Variants in LYPLAL1 observed in about 807,000 individuals in gnomAD.
The protein encoded by LYPLAL1 is lysophospholipase like 1.
LYPLAL1 carries 23 observed loss-of-function variants against 19.7 expected under a neutral mutation model. The ratio of observed to expected loss-of-function variants is 1.17; its 90% CI spans 0.84 to 1.65. The LOEUF (loss-of-function observed/expected upper bound fraction) is 1.65, where lower values mean the gene tolerates loss of function less well. Among genes scored for constraint, LYPLAL1 ranks in the 40% most tolerant of loss-of-function variants. The pLI, the probability that LYPLAL1 is intolerant of heterozygous loss-of-function variation, is 0.00. For missense variants in LYPLAL1, 355 were observed against 279.4 expected, an observed-to-expected ratio of 1.27 and a Z score of -1.93; for synonymous variants, 119 against 96.3, an observed-to-expected ratio of 1.24 and a Z score of -1.38.
chr1:219,306,441 C>A, the LYPLAL1 span, among the ~76,000 whole-genome samples: 33 of 152,160 alleles, frequency 2.2e-4, no homozygotes, highest in Non-Finnish European at 3.8e-4. Context: ...ACTGCCATCC[C>A]TAATTTGGGT....
chr1:219,258,639 A>G, the LYPLAL1 span, among the ~76,000 whole-genome samples: 97 of 152,068 alleles, frequency 6.4e-4, no homozygotes, highest in Non-Finnish European at 8.1e-4. Flanking sequence ...CATTACTAAT[A>G]TATTTGGGTA....
chr1:219,279,504 G>A, the LYPLAL1 span, among the ~76,000 whole-genome samples: 1 of 152,140 alleles, frequency 6.6e-6, no homozygotes, highest in Non-Finnish European at 1.5e-5. Flanking sequence ...ACATTTGTGT[G>A]TTTTCTGAGT....
At chr1:219,375,736 A>AT in the LYPLAL1 span, among the ~76,000 whole-genome samples, 3,633 of 134,484 alleles carry the variant, frequency 0.027, 111 homozygotes, top group African/African-American at 0.06. Flanking sequence ...ATGCTTCCTG[A>AT]TTTTTTTTTT....
chr1:219,205,167 C>T (rs1235108329), intron 3 of LYPLAL1, among the ~76,000 whole-genome samples: 2 of 151,522 alleles, frequency 1.3e-5, no homozygotes, highest in Non-Finnish European at 2.9e-5. Context: ...ACCATCCTGG[C>T]TAACAAGGTG....
At chr1:219,354,214 T>A in the LYPLAL1 span, among the ~76,000 whole-genome samples, 1 of 152,184 alleles carries the variant, frequency 6.6e-6, no homozygotes, top group Non-Finnish European at 1.5e-5. Context: ...TTTTTTAAAT[T>A]GAGATGCAGT....
the LYPLAL1 span, among the ~76,000 whole-genome samples, chr1:219,427,205 T>G: frequency 1.3e-4 from 20 of 152,228 alleles, no homozygotes; most frequent in African/African-American, 4.8e-4. Flanking sequence ...ATGTTATGTA[T>G]CAAATTTTGC....
the LYPLAL1 span, among the ~76,000 whole-genome samples, chr1:219,338,994 T>C: frequency 6.6e-6 from 1 of 151,974 alleles, no homozygotes; most frequent in Non-Finnish European, 1.5e-5. Flanking sequence ...TATATATGTG[T>C]ATTTACTCAG....
the LYPLAL1 span, among the ~76,000 whole-genome samples, chr1:219,247,801 C>T: frequency 1.3e-5 from 2 of 152,004 alleles, no homozygotes; most frequent in African/African-American, 4.8e-5. Context: ...TCAAATGACC[C>T]ATGTTAGACT....
chr1:219,208,624 T>G (rs1416283793), intron 3 of LYPLAL1, among the ~76,000 whole-genome samples: 1 of 152,052 alleles, frequency 6.6e-6, no homozygotes, highest in Non-Finnish European at 1.5e-5. Flanking sequence ...GACACTTTGT[T>G]CAGCTAATCA....
At chr1:219,296,282 G>T in the LYPLAL1 span, among the ~76,000 whole-genome samples, 1 of 152,174 alleles carries the variant, frequency 6.6e-6, no homozygotes, top group African/African-American at 2.4e-5. Flanking sequence ...TTGATGGCTA[G>T]GGGATATGTA....
the LYPLAL1 span, among the ~76,000 whole-genome samples, chr1:219,444,490 A>C: frequency 6.6e-6 from 1 of 152,196 alleles, no homozygotes; most frequent in Non-Finnish European, 1.5e-5. Context: ...ACACCTGTTC[A>C]TCATAGAAGG....
the LYPLAL1 span, among the ~76,000 whole-genome samples, chr1:219,265,792 C>T: frequency 0.47 from 71,293 of 151,926 alleles, 17,122 homozygotes; most frequent in East Asian, 0.66. Flanking sequence ...ACCTGTACAA[C>T]ATGGTATCGT....
chr1:219,215,573 T>A (rs1335658232), downstream of LYPLAL1, among the ~76,000 whole-genome samples: 2 of 152,120 alleles, frequency 1.3e-5, no homozygotes, highest in Non-Finnish European at 2.9e-5. Flanking sequence ...CATCTCTAGA[T>A]CTCAGGACTT....
downstream of LYPLAL1, among the ~76,000 whole-genome samples, chr1:219,214,733 T>G: frequency 6.7e-6 from 1 of 148,420 alleles, no homozygotes; most frequent in East Asian, 2.0e-4. Context: ...TGTCACCTAG[T>G]CTACTAGAGT....
At chr1:219,413,599 A>G in the LYPLAL1 span, among the ~76,000 whole-genome samples, 3 of 152,188 alleles carry the variant, frequency 2.0e-5, no homozygotes, top group Non-Finnish European at 4.4e-5. Flanking sequence ...ATTCTTCCTG[A>G]GTGCTTGCAC....
chr1:219,419,366 A>C, the LYPLAL1 span, among the ~76,000 whole-genome samples: 1 of 152,170 alleles, frequency 6.6e-6, no homozygotes, highest in African/African-American at 2.4e-5. Flanking sequence ...TCTCAGGACT[A>C]TGATGGGTGA....
chr1:219,240,172 G>T, the LYPLAL1 span, among the ~76,000 whole-genome samples: 1 of 152,092 alleles, frequency 6.6e-6, no homozygotes, highest in Admixed American at 6.5e-5. Context: ...TTGAAATCAC[G>T]TGTGCCCTTG....
the LYPLAL1 span, among the ~76,000 whole-genome samples, chr1:219,445,222 C>A: frequency 0.1 from 15,277 of 151,482 alleles, 1,081 homozygotes; most frequent in Non-Finnish European, 0.16. Flanking sequence ...ATTAGTTGGT[C>A]TTTCCACAAA....
chr1:219,237,248 A>G, the LYPLAL1 span, among the ~76,000 whole-genome samples: 2 of 152,198 alleles, frequency 1.3e-5, no homozygotes, highest in African/African-American at 4.8e-5. Context: ...ATGGATTACT[A>G]TATGTTTCAA....
Sources: gnomAD v4.1 joint callset for allele counts (sites outside exome capture counted in the v4.1 genomes callset) on GRCh38, gnomAD v4.1.1 for gene constraint, MANE v1.5 for transcripts, NCBI Gene and HGNC (gene_info 2026-07-23, HGNC 2026-07-21) for gene names.